The following ANK2 variants were observed in gnomAD, a reference collection of about 807,000 sequenced individuals.
ANK2 encodes the protein ankyrin-2.
ANK2 carries 83 observed loss-of-function variants against 360.5 expected under a neutral mutation model. That is an observed-to-expected ratio of 0.23 (90% CI 0.19 to 0.28). ANK2 has a LOEUF of 0.28. ANK2 is among the 10% of genes least tolerant of loss of function. The pLI is 1.00. For synonymous variants in ANK2, 1,740 were observed against 1,759.5 expected, an observed-to-expected ratio of 0.99 and a Z score of 0.28; for missense variants, 4,201 against 4,795.7, an observed-to-expected ratio of 0.88 and a Z score of 3.66.
intron 1 of ANK2, among the ~76,000 whole-genome samples, chr4:113,142,899 T>G (rs749701381): frequency 1.3e-5 from 2 of 152,106 alleles, no homozygotes; most frequent in Non-Finnish European, 2.9e-5. Flanking sequence ...GGTGTTAACC[T>G]TTTTTTCAAA....
At chr4:112,982,436 A>G (rs2043382220) in intron 2 of ANK2, among the ~76,000 whole-genome samples, 1 of 152,244 alleles carries the variant, frequency 6.6e-6, no homozygotes, top group Admixed American at 6.5e-5. Flanking sequence ...ACTCGGTAGC[A>G]TAAGCAGATA....
At chr4:113,002,593 T>A (rs1561491140) in intron 2 of ANK2, among the ~76,000 whole-genome samples, 1 of 152,172 alleles carries the variant, frequency 6.6e-6, no homozygotes, top group Non-Finnish European at 1.5e-5. Flanking sequence ...GGATAGCTTA[T>A]CCATTTCTTG....
intron 2 of ANK2, among the ~76,000 whole-genome samples, chr4:113,009,647 C>T (rs2054059017): frequency 6.6e-6 from 1 of 152,026 alleles, no homozygotes; most frequent in Non-Finnish European, 1.5e-5. Flanking sequence ...TCAGAGGACC[C>T]ACAGGGCATA....
intron 2 of ANK2, among the ~76,000 whole-genome samples, chr4:113,016,126 G>A (rs1456057350): frequency 1.3e-5 from 2 of 151,872 alleles, no homozygotes; most frequent in Non-Finnish European, 2.9e-5. Flanking sequence ...CTGGGTTCAA[G>A]CCATGCTCCC....
At chr4:113,083,766 T>G (rs2083370942) in intron 1 of ANK2, among the ~76,000 whole-genome samples, 1 of 152,216 alleles carries the variant, frequency 6.6e-6, no homozygotes, top group South Asian at 2.1e-4. Context: ...AGCAAGAATT[T>G]AAAATATTTT....
rs541436386 is a variant in ANK2, at chr4:113,120,730, G to T, written c.85-53686G>T. Among the ~76,000 whole-genome samples, 267 of 152,150 alleles carry T rather than the reference G, an allele frequency of 1.8e-3. 2 individuals are homozygous for T. Among genetic ancestry groups the T allele is most frequent in the African/African-American group, 6.3e-3 (262 of 41,548 alleles). Reference sequence around the variant, plus strand: ...CCAGGTGTTAAGCCTGGTACCAATTGGTGATTTTTCCTGATCCTGTCCCTC... The same window carrying T: ...CCAGGTGTTAAGCCTGGTACCAATTTGTGATTTTTCCTGATCCTGTCCCTC... On this transcript the variant is annotated intron_variant, in intron 1 of 45. Transcript: ENST00000357077.
At chr4:112,993,156 C>A (rs973039772) in intron 2 of ANK2, among the ~76,000 whole-genome samples, 10 of 151,940 alleles carry the variant, frequency 6.6e-5, no homozygotes, top group Admixed American at 4.6e-4. Flanking sequence ...TGGTGGTGTG[C>A]CCCTGTAGTC....
At chr4:112,883,366 G>A (rs2077339419) in intron 1 of ANK2, among the ~76,000 whole-genome samples, 1 of 151,826 alleles carries the variant, frequency 6.6e-6, no homozygotes, top group South Asian at 2.1e-4. Context: ...TCCAACCTGC[G>A]GAGTTGCATG....
Position 113,333,228 on chromosome 4 carries a change from T to A in ANK2, c.3379+20T>A, listed in dbSNP as rs1338885150. 3 of 1,613,956 alleles carry A rather than the reference T, an allele frequency of 1.9e-6. No homozygotes were observed. In the East Asian group the frequency reaches 6.7e-5, roughly 36 times the overall value. Reference sequence around the variant, plus strand: ...ATGAAGGTACTTTCAGATGAAGCGTTTTAAAAGAAATCTAAACTGGAAGCA... The same window carrying A: ...ATGAAGGTACTTTCAGATGAAGCGTATTAAAAGAAATCTAAACTGGAAGCA... On this transcript the variant is annotated intron_variant, in intron 29 of 45. Coordinates refer to ENST00000357077, the MANE Select transcript of ANK2 (RefSeq NM_001148.6).
upstream of ANK2, among the ~76,000 whole-genome samples, chr4:112,813,432 G>A (rs1463239552): frequency 6.6e-6 from 1 of 152,006 alleles, no homozygotes; most frequent in Non-Finnish European, 1.5e-5. Flanking sequence ...AAAAATCAAT[G>A]TGGACAAGCA....
intron 1 of ANK2, among the ~76,000 whole-genome samples, chr4:112,847,083 C>T (rs1453594666): frequency 6.6e-6 from 1 of 152,140 alleles, no homozygotes; most frequent in African/African-American, 2.4e-5. Context: ...TCTGTGAAAA[C>T]TGTGAGTATA....
At chr4:113,179,222 C>A (rs1314385783) in intron 2 of ANK2, among the ~76,000 whole-genome samples, 1 of 152,170 alleles carries the variant, frequency 6.6e-6, no homozygotes, top group Non-Finnish European at 1.5e-5. Flanking sequence ...AATGTATCCT[C>A]TAGTTTGCTG....
intron 1 of ANK2, among the ~76,000 whole-genome samples, chr4:113,063,308 T>A (rs1180317152): frequency 6.6e-6 from 1 of 152,106 alleles, no homozygotes; most frequent in Non-Finnish European, 1.5e-5. Flanking sequence ...AAGAGAATAC[T>A]TGGTAACAAT....
intron 1 of ANK2, among the ~76,000 whole-genome samples, chr4:113,173,496 A>T (rs562652395): frequency 6.6e-6 from 1 of 152,304 alleles, no homozygotes; most frequent in South Asian, 2.1e-4. Flanking sequence ...ATGACAAAAA[A>T]TTATAACAGT....
At chr4:112,976,274 A>G (rs1276549648) in intron 2 of ANK2, among the ~76,000 whole-genome samples, 1 of 151,676 alleles carries the variant, frequency 6.6e-6, no homozygotes, top group Non-Finnish European at 1.5e-5. Context: ...GCTCACTGCA[A>G]CCTCCATCTC....
At chr4:112,890,278 T>C (rs1297637521) in intron 1 of ANK2, among the ~76,000 whole-genome samples, 1 of 152,198 alleles carries the variant, frequency 6.6e-6, no homozygotes, top group Non-Finnish European at 1.5e-5. Context: ...GAGATTTCCT[T>C]TCCTGTTCCC....
chr4:113,287,607 T>C lies in ANK2; in HGVS notation c.2082T>C (p.Ser694=). ...CTTTGGTTCCATTCTTTCTGTAGAG[T>C]GGACTCACATCCTTACACCTTGCAG... is the stretch of plus-strand genomic sequence containing the variant. ...KGANIHMSTK[S]GLTSLHLAAQ... The change falls in exon 19 of 46, where the codon AGT becomes AGC. Residue 694 remains serine, a splice_region_variant and synonymous_variant. Coordinates refer to ENST00000357077, the MANE Select transcript of ANK2 (RefSeq NM_001148.6). The C allele has an allele frequency of 6.2e-7, 1 of 1,602,754 alleles. No individual in the cohort carries two copies. Among genetic ancestry groups the C allele is most frequent in the Non-Finnish European group, 8.5e-7 (1 of 1,169,814 alleles).
At chr4:112,985,785 C>T (rs1172044140) in intron 2 of ANK2, among the ~76,000 whole-genome samples, 1 of 151,974 alleles carries the variant, frequency 6.6e-6, no homozygotes, top group Non-Finnish European at 1.5e-5. Flanking sequence ...GGACAGTAGG[C>T]ATTGATTAAA....
At chr4:112,712,118 C>T in the ANK2 span, among the ~76,000 whole-genome samples, 4 of 149,662 alleles carry the variant, frequency 2.7e-5, no homozygotes, top group African/African-American at 4.9e-5. Flanking sequence ...AGTCTCACTT[C>T]GTCCTCTAGG....
Sources: allele counts gnomAD v4.1 joint callset (sites outside exome capture counted in the v4.1 genomes callset), GRCh38; gene constraint gnomAD v4.1.1; transcripts MANE v1.5; gene names NCBI Gene and HGNC (gene_info 2026-07-23, HGNC 2026-07-21).